Variants in PLOD1 observed in about 807,000 individuals in gnomAD.
PLOD1 encodes procollagen-lysine,2-oxoglutarate 5-dioxygenase 1.
A neutral mutation model predicts 94.7 loss-of-function variants in PLOD1; 70 were observed. That is an observed-to-expected ratio of 0.74 (90% CI 0.61 to 0.90). The LOEUF (loss-of-function observed/expected upper bound fraction) is 0.90, where lower values mean the gene tolerates loss of function less well. PLOD1 is among the 40% of genes least tolerant of loss of function. The pLI is 0.00. For synonymous variants in PLOD1, 417 were observed against 400.2 expected, an observed-to-expected ratio of 1.04 and a Z score of -0.50; for missense variants, 905 against 972.7, an observed-to-expected ratio of 0.93 and a Z score of 0.93.
At chr1:11,936,744 A>C (rs1645581851) in intron 1 of PLOD1, among the ~76,000 whole-genome samples, 1 of 152,010 alleles carries the variant, frequency 6.6e-6, no homozygotes, top group Non-Finnish European at 1.5e-5. Flanking sequence ...GCTGGTTTCA[A>C]ACTCCTGACC....
chr1:11,954,748 G>A, intron 5 of PLOD1, 82 bp from the exon 6 acceptor site: 1 of 1,053,330 alleles, frequency 9.5e-7, no homozygotes. Flanking sequence ...CTTGGGGACA[G>A]ATTCCCCACA....
chr1:11,956,205 G>A (rs1645736595), intron 6 of PLOD1, among the ~76,000 whole-genome samples: 1 of 151,440 alleles, frequency 6.6e-6, no homozygotes, highest in Non-Finnish European at 1.5e-5. Flanking sequence ...CCAACATGGT[G>A]AAACCCCGTC....
intron 18 of PLOD1, among the ~76,000 whole-genome samples, chr1:11,974,331 C>A (rs933475487): frequency 6.6e-6 from 1 of 151,998 alleles, no homozygotes; most frequent in African/African-American, 2.4e-5. Flanking sequence ...TACAGGCGTG[C>A]GCTGCTACAC....
intron 6 of PLOD1, among the ~76,000 whole-genome samples, chr1:11,955,597 C>T (rs1387752568): frequency 1.3e-5 from 2 of 152,156 alleles, no homozygotes; most frequent in Middle Eastern, 3.4e-3. Flanking sequence ...TTCAGATCCA[C>T]GCAGGTCAGG....
At chr1:11,944,043 C>T (rs1018720487) in intron 1 of PLOD1, among the ~76,000 whole-genome samples, 1 of 152,038 alleles carries the variant, frequency 6.6e-6, no homozygotes, top group African/African-American at 2.4e-5. Flanking sequence ...ACCAGCCTGG[C>T]CAACATGGTG....
At chr1:11,954,721 G>T (rs546660911) in intron 5 of PLOD1, 109 bp from the exon 6 acceptor site, 30 of 872,990 alleles carry the variant, frequency 3.4e-5, no homozygotes, top group Admixed American at 6.9e-5. Context: ...GAGTCGGTGT[G>T]GGGAATGAGG....
In PLOD1 at chr1:11,956,993, C is replaced by G. The variant is rs770749842; in HGVS notation, c.720C>G (p.Ile240Met). The G allele has an allele frequency of 6.2e-6, 10 of 1,612,832 alleles. No homozygotes were observed. Among genetic ancestry groups the G allele is most frequent in the African/African-American group, 1.3e-5 (1 of 74,852 alleles). ...CCTATGACACCCTCCCGGTCCTGATCCATGGCAACGGGCCAACCAAGGTAG... is the reference window on the plus strand; with the variant it reads ...CCTATGACACCCTCCCGGTCCTGATGCATGGCAACGGGCCAACCAAGGTAG... ...NLAYDTLPVL[I>M]HGNGPTKLQL... Residue 240 changes from isoleucine to methionine, a missense_variant, in exon 7 of 19, where the codon ATC becomes ATG. Coordinates refer to ENST00000196061, the MANE Select transcript of PLOD1 (RefSeq NM_000302.4).
intron 10 of PLOD1, among the ~76,000 whole-genome samples, chr1:11,961,856 T>A (rs777502360): frequency 2.6e-5 from 4 of 152,226 alleles, no homozygotes; most frequent in Admixed American, 6.5e-5. Context: ...TGGCGCGATC[T>A]CGGCTCACTG....
At chr1:11,939,395 C>T (rs1645600828) in intron 1 of PLOD1, among the ~76,000 whole-genome samples, 1 of 152,108 alleles carries the variant, frequency 6.6e-6, no homozygotes, top group Non-Finnish European at 1.5e-5. Flanking sequence ...TTCATTCATT[C>T]CCGCCTCCCC....
chr1:11,956,879 G>T, intron 6 of PLOD1, 38 bp from the exon 7 acceptor site: 2 of 1,414,590 alleles, frequency 1.4e-6, no homozygotes, highest in Non-Finnish European at 2.0e-6. Flanking sequence ...TGACCTCTGG[G>T]TCTGATGCTG....
chr1:11,970,949 A>T, intron 17 of PLOD1, 133 bp downstream of exon 17: 1 of 208,918 alleles, frequency 4.8e-6, no homozygotes. Context: ...GGGTGTGGGG[A>T]GCGTGGGAGG....
chr1:11,949,686 C>T (rs1292764918), intron 2 of PLOD1, 87 bp from the exon 3 acceptor site: 4 of 1,420,898 alleles, frequency 2.8e-6, no homozygotes, highest in Non-Finnish European at 4.0e-6. Context: ...TCCCAAAGTG[C>T]TGGGATTACC....
chr1:11,950,050 T>A, intron 3 of PLOD1, 144 bp downstream of exon 3: 2 of 903,560 alleles, frequency 2.2e-6, no homozygotes, highest in Non-Finnish European at 3.7e-6. Flanking sequence ...ATTCCCGGTC[T>A]TAGTAAAGCC....
At chr1:11,937,021 T>C (rs1645584125) in intron 1 of PLOD1, among the ~76,000 whole-genome samples, 1 of 151,952 alleles carries the variant, frequency 6.6e-6, no homozygotes, top group African/African-American at 2.4e-5. Context: ...CTAATGTTTG[T>C]ATTTTTAGTA....
chr1:11,952,446 A>C (rs1216580625), intron 4 of PLOD1, among the ~76,000 whole-genome samples, 177 bp from the exon 5 acceptor site: 1 of 152,202 alleles, frequency 6.6e-6, no homozygotes, highest in Non-Finnish European at 1.5e-5. Flanking sequence ...ATTCACTGGC[A>C]GCCCCATTTC....
chr1:11,958,558 C>T lies in PLOD1; in HGVS notation c.886C>T (p.Gln296Ter). 1 of 1,613,934 alleles carries T rather than the reference C, an allele frequency of 6.2e-7. No individual in the cohort carries two copies. Among genetic ancestry groups the T allele is most frequent in the Middle Eastern group, 1.6e-4 (1 of 6,062 alleles). ...GGTCCTGGTCGGCGTGTTCATCGAA[C>T]AGCCCACGCCGTTTGTGTCCCTGTT... ...PTVLVGVFIE[Q>*]PTPFVSLFFQ... The change falls in exon 9 of 19, where the codon CAG becomes TAG. Residue 296 changes from glutamine to a stop codon, truncating the protein, a stop_gained. Transcript: ENST00000196061. LOFTEE classifies it high-confidence loss of function. The surrounding 1 kb of genome is among the most constrained non-coding windows in gnomAD (Gnocchi z 4.3).
intron 1 of PLOD1, among the ~76,000 whole-genome samples, chr1:11,940,618 T>A (rs1342376939): frequency 6.6e-6 from 1 of 152,214 alleles, no homozygotes; most frequent in African/African-American, 2.4e-5. Flanking sequence ...CTCTGTTGTA[T>A]CTCATTGATT....
chr1:11,948,271 A>C (rs950665984), intron 2 of PLOD1, among the ~76,000 whole-genome samples: 1 of 152,176 alleles, frequency 6.6e-6, no homozygotes, highest in East Asian at 1.9e-4. Context: ...GGTGATGGAG[A>C]GGGAAAGAGT....
intron 10 of PLOD1, among the ~76,000 whole-genome samples, chr1:11,962,274 C>CTTTTTTTTTTTTTTTTTTTTTTT (rs780613164): frequency 7.1e-5 from 7 of 99,090 alleles, no homozygotes; most frequent in Admixed American, 1.2e-4. Context: ...TTTTTGTTTT[C>CTTTTTTTTTTTTTTTTTTTTTTT]TTTTTTTTTT....
Sources: allele counts gnomAD v4.1 joint callset (sites outside exome capture counted in the v4.1 genomes callset), GRCh38; gene constraint gnomAD v4.1.1; non-coding constraint Gnocchi (gnomAD v3.1); transcripts MANE v1.5; gene names NCBI Gene and HGNC (gene_info 2026-07-23, HGNC 2026-07-21).